The following PLPP3 variants were observed in gnomAD, a reference collection of about 807,000 sequenced individuals.
PLPP3 encodes the protein PAP2 beta.
Under a neutral mutation model 29.6 loss-of-function variants are expected in PLPP3, and 6 were observed. That is an observed-to-expected ratio of 0.20 (90% CI 0.11 to 0.40). PLPP3 has a LOEUF of 0.40. PLPP3 is among the 10% of genes least tolerant of loss of function. PLPP3 has a pLI of 1.00. For missense variants in PLPP3, 308 were observed against 407.7 expected (o/e 0.76, Z 2.11); for synonymous variants, 152 against 159.7 (o/e 0.95, Z 0.36).
At chr1:56,498,181 T>C (rs1481472109) in intron 5 of PLPP3, among the ~76,000 whole-genome samples, 3 of 152,212 alleles carry the variant, frequency 2.0e-5, no homozygotes. Context: ...GTTAAGTCTT[T>C]TCTCCCTTTC....
chr1:56,518,024 T>C (rs2100240510), intron 4 of PLPP3, among the ~76,000 whole-genome samples: 1 of 152,268 alleles, frequency 6.6e-6, no homozygotes, highest in African/African-American at 2.4e-5. Context: ...CACTATTTAC[T>C]TCTCTGGCTT....
intron 5 of PLPP3, among the ~76,000 whole-genome samples, chr1:56,505,576 A>C (rs1434925586): frequency 6.6e-6 from 1 of 152,208 alleles, no homozygotes; most frequent in Non-Finnish European, 1.5e-5. Context: ...ACATGGAAAC[A>C]ACCAGCATGA....
intron 1 of PLPP3, among the ~76,000 whole-genome samples, chr1:56,544,988 C>T (rs1377638699): frequency 6.6e-6 from 1 of 152,176 alleles, no homozygotes; most frequent in Non-Finnish European, 1.5e-5. Context: ...TAAATCATCA[C>T]ATTTGATCTT....
intron 5 of PLPP3, among the ~76,000 whole-genome samples, chr1:56,503,121 C>A (rs747220269): frequency 6.6e-6 from 1 of 151,576 alleles, no homozygotes; most frequent in Non-Finnish European, 1.5e-5. Context: ...CAACTGCAAT[C>A]ATTATTTTTT....
intron 1 of PLPP3, among the ~76,000 whole-genome samples, chr1:56,559,662 G>A (rs1428525824): frequency 6.6e-6 from 1 of 151,146 alleles, no homozygotes; most frequent in African/African-American, 2.4e-5. Flanking sequence ...TATCTGTTTT[G>A]CAAAATAACC....
At chr1:56,570,651 T>G (rs1323619611) in intron 1 of PLPP3, among the ~76,000 whole-genome samples, 1 of 152,206 alleles carries the variant, frequency 6.6e-6, no homozygotes, top group Non-Finnish European at 1.5e-5. Flanking sequence ...GCACTGACAA[T>G]GCGTGACCTT....
chr1:56,502,086 A>G (rs531225064), intron 5 of PLPP3, among the ~76,000 whole-genome samples: 1 of 152,330 alleles, frequency 6.6e-6, no homozygotes, highest in East Asian at 1.9e-4. Flanking sequence ...CCAAGAACCA[A>G]GTACACCAGA....
intron 2 of PLPP3, among the ~76,000 whole-genome samples, chr1:56,531,535 A>G (rs760721205): frequency 3.3e-5 from 5 of 152,206 alleles, no homozygotes; most frequent in Non-Finnish European, 7.3e-5. Flanking sequence ...CACACTGTCA[A>G]TCTTGGGCAG....
chr1:56,534,016 A>G (rs1645907811), intron 2 of PLPP3, among the ~76,000 whole-genome samples: 1 of 152,228 alleles, frequency 6.6e-6, no homozygotes, highest in Non-Finnish European at 1.5e-5. Flanking sequence ...AAGAATCTGT[A>G]TAAACCCCTT....
rs1212594668 is a variant in PLPP3, at chr1:56,496,618, G to C, written c.869C>G (p.Ala290Gly). 3.3e-5 allele frequency: 54 copies of C among 1,613,746 alleles called. No individual in the cohort carries two copies. The highest frequency in any genetic ancestry group is 4.6e-5 in the Non-Finnish European group (54 of 1,179,804). The change falls in exon 6 of 6, where the codon GCT becomes GGT. Residue 290 changes from alanine to glycine, a missense_variant. Ala to Gly is a moderately conservative substitution (Grantham distance 60, BLOSUM62 0). Transcript: ENST00000371250. ...TKTTLSLPAP[A>G]IRKEILSPVD... is the part of the protein sequence containing the mutation. ...AGGTGAAAGGATTTCCTTCCGGATA[G>C]CAGGGGCAGGCAGGGAGAGCGTCGT...
At chr1:56,554,441 G>A (rs906006223) in intron 1 of PLPP3, among the ~76,000 whole-genome samples, 11 of 151,818 alleles carry the variant, frequency 7.2e-5, no homozygotes, top group African/African-American at 2.4e-4. Context: ...GCGTGTTGGC[G>A]GGCACCTGTA....
chr1:56,554,301 G>A (rs1024857450), intron 1 of PLPP3, among the ~76,000 whole-genome samples: 11 of 152,088 alleles, frequency 7.2e-5, no homozygotes, highest in African/African-American at 2.7e-4. Flanking sequence ...GGCCGGGCGC[G>A]GTGGCTGACG....
intron 1 of PLPP3, among the ~76,000 whole-genome samples, chr1:56,557,020 GAGAGAA>G (rs1314575837): frequency 5.9e-4 from 3 of 5,072 alleles, no homozygotes; most frequent in African/African-American, 1.3e-3. Context: ...GAGAGAGAGA[GAGAGAA>G]AGAGAGAGAG....
chr1:56,496,696 A>C lies in PLPP3; in HGVS notation c.811-20T>G. ...GAAAACCTAGAAGCACAAATCAGAG[A>C]TCGAAGTCAGTAACTGACATCGGGG... On this transcript the variant is annotated intron_variant, in intron 5 of 5. Coordinates refer to ENST00000371250, the MANE Select transcript of PLPP3 (RefSeq NM_003713.5). 2 of 1,613,006 alleles carry C rather than the reference A, an allele frequency of 1.2e-6. No individual in the cohort carries two copies. Among genetic ancestry groups the C allele is most frequent in the Non-Finnish European group, 1.7e-6 (2 of 1,179,490 alleles).
chr1:56,571,398 C>A (rs1646197398), intron 1 of PLPP3, among the ~76,000 whole-genome samples: 1 of 152,186 alleles, frequency 6.6e-6, no homozygotes, highest in South Asian at 2.1e-4. Flanking sequence ...GCTTAAGCTT[C>A]TATGGCCAAT....
intron 1 of PLPP3, among the ~76,000 whole-genome samples, chr1:56,542,213 C>T (rs762205037): frequency 1.4e-4 from 22 of 152,126 alleles, no homozygotes; most frequent in Non-Finnish European, 2.8e-4. Flanking sequence ...GAAAAACTAA[C>T]ACTGGGGCAG....
At position 56,524,865 on chromosome 1, in the gene PLPP3, A is replaced by T. The variant is rs368192584; in HGVS notation, c.298-311T>A. 2.0e-5 allele frequency among the ~76,000 whole-genome samples: 3 copies of T among 151,952 alleles called. No homozygotes were observed. The highest frequency in any genetic ancestry group is 7.3e-5 in the African/African-American group (3 of 41,354). On this transcript the variant is annotated intron_variant, in intron 2 of 5. Coordinates refer to ENST00000371250, the MANE Select transcript of PLPP3 (RefSeq NM_003713.5). This position sits in a 1 kb window ranked among gnomAD's most constrained non-coding sequence, Gnocchi z 4.3. ...TTTTTTAAGGGAGAGACAAGAACTT[A>T]ACTATAGAAAAGAAATACTAAATGA...
chr1:56,545,613 C>A (rs1218567492), intron 1 of PLPP3, among the ~76,000 whole-genome samples: 2 of 152,118 alleles, frequency 1.3e-5, no homozygotes, highest in African/African-American at 4.8e-5. Context: ...CAGTGGGAAC[C>A]CTGCCATATA....
At chr1:56,532,343 C>T (rs114180890) in intron 2 of PLPP3, among the ~76,000 whole-genome samples, 3 of 152,224 alleles carry the variant, frequency 2.0e-5, no homozygotes, top group African/African-American at 7.2e-5. Context: ...GGGACTGGGT[C>T]TCCCACTAAT....
Sources: allele counts gnomAD v4.1 joint callset (sites outside exome capture counted in the v4.1 genomes callset), GRCh38; gene constraint gnomAD v4.1.1; non-coding constraint Gnocchi (gnomAD v3.1); transcripts MANE v1.5; gene names NCBI Gene and HGNC (gene_info 2026-07-23, HGNC 2026-07-21).